Variants in CORO2B observed in about 807,000 individuals in gnomAD.
CORO2B encodes coronin-2B.
A neutral mutation model predicts 58.8 loss-of-function variants in CORO2B; 26 were observed. That is an observed-to-expected ratio of 0.44 (90% CI 0.32 to 0.61). The LOEUF is 0.61. Ranked by LOEUF, CORO2B falls within the 20% of genes least tolerant of loss-of-function variation. The pLI is 0.04. For synonymous variants in CORO2B, 242 were observed against 253.8 expected, an observed-to-expected ratio of 0.95 and a Z score of 0.44; for missense variants, 460 against 645.1, an observed-to-expected ratio of 0.71 and a Z score of 3.11.
the CORO2B span, among the ~76,000 whole-genome samples, chr15:68,535,620 C>A: frequency 1.3e-5 from 2 of 151,936 alleles, no homozygotes; most frequent in African/African-American, 4.8e-5. Flanking sequence ...TGTTGGGGTT[C>A]CTGAGAGAGA....
At chr15:68,587,325 G>T (rs149847257) in intron 1 of CORO2B, among the ~76,000 whole-genome samples, 1 of 152,298 alleles carries the variant, frequency 6.6e-6, no homozygotes, top group East Asian at 1.9e-4. Context: ...CCCTGTATGA[G>T]ATAAGTGTCA....
the CORO2B span, among the ~76,000 whole-genome samples, chr15:68,528,932 C>T: frequency 6.6e-6 from 1 of 152,120 alleles, no homozygotes; most frequent in Non-Finnish European, 1.5e-5. Context: ...CTTAATTAAA[C>T]GTTTATAAAT....
intron 2 of CORO2B, among the ~76,000 whole-genome samples, chr15:68,688,696 G>A (rs1342674541): frequency 6.6e-6 from 1 of 152,102 alleles, no homozygotes; most frequent in Non-Finnish European, 1.5e-5. Flanking sequence ...TTATATGGGT[G>A]TACTGTAATT....
chr15:68,699,729 G>A (rs746880549), intron 3 of CORO2B, among the ~76,000 whole-genome samples: 6 of 152,122 alleles, frequency 3.9e-5, no homozygotes, highest in African/African-American at 1.2e-4. Context: ...CCTGGAGGAC[G>A]TGCTCTGGGA....
intron 3 of CORO2B, among the ~76,000 whole-genome samples, chr15:68,703,074 G>A (rs186218838): frequency 0.026 from 3,928 of 149,338 alleles, 166 homozygotes; most frequent in African/African-American, 0.089. Context: ...TGATCCACCC[G>A]CCTCGCATCC....
chr15:68,568,018 CAAAAA>C, the CORO2B span, among the ~76,000 whole-genome samples: 4 of 151,482 alleles, frequency 2.6e-5, no homozygotes, highest in African/African-American at 4.9e-5. Context: ...GAGTCCATCT[CAAAAA>C]GAAAAGAAAA....
At chr15:68,677,991 T>C (rs1480430395) in intron 2 of CORO2B, among the ~76,000 whole-genome samples, 1 of 152,230 alleles carries the variant, frequency 6.6e-6, no homozygotes, top group Non-Finnish European at 1.5e-5. Context: ...CTCGGAGGCC[T>C]GGTGGGGCCC....
At chr15:68,538,386 A>G in the CORO2B span, among the ~76,000 whole-genome samples, 1 of 152,168 alleles carries the variant, frequency 6.6e-6, no homozygotes, top group South Asian at 2.1e-4. Flanking sequence ...GCAGTACAGG[A>G]GAGTTGGGGC....
rs4550403 is a variant in CORO2B, at chr15:68,726,446, C to T, written c.*472C>T. The T allele has an allele frequency of 0.31, 52,195 of 169,134 alleles. 9,650 individuals carry two copies. The highest frequency in any genetic ancestry group is 0.4 in the Non-Finnish European group (31,537 of 78,928). 10.5% of individuals were successfully genotyped at this position (169,134 alleles called of 1,614,324 possible). On this transcript the variant is annotated 3_prime_UTR_variant, in exon 12 of 12. Coordinates refer to ENST00000261861, the MANE Select transcript of CORO2B (RefSeq NM_006091.5). ...TGGACTGCAGGCTGCAGTGATCCCT[C>T]TTTCGTCCCACCCCCTCTTCCCTCA...
In CORO2B at chr15:68,645,508, G is replaced by A; in HGVS notation, c.216+148G>A. ...CATCTAGTGGCTATGCCTTCTTTAGGGTTTTCCTGAGATTCAACAGAACAA... is the reference window on the plus strand; with the variant it reads ...CATCTAGTGGCTATGCCTTCTTTAGAGTTTTCCTGAGATTCAACAGAACAA... On this transcript the variant is annotated intron_variant, in intron 2 of 11. Transcript: ENST00000261861. The surrounding 1 kb of genome is among the most constrained non-coding windows in gnomAD (Gnocchi z 4.5). 1 of 748,038 alleles carries A rather than the reference G, an allele frequency of 1.3e-6. No individual in the cohort carries two copies. The highest frequency in any genetic ancestry group is 2.1e-6 in the Non-Finnish European group (1 of 472,238). The allele number at this position is 748,038 out of a possible 1,614,324, so 46.3% of individuals were successfully genotyped here.
At chr15:68,721,379 A>G (rs188501477) in intron 11 of CORO2B, among the ~76,000 whole-genome samples, 62 of 152,268 alleles carry the variant, frequency 4.1e-4, no homozygotes, top group African/African-American at 1.5e-3. Context: ...AAAGTGGTGC[A>G]GTGTAGGTGG....
chr15:68,699,162 G>T (rs1007631393), intron 3 of CORO2B, among the ~76,000 whole-genome samples: 2 of 152,128 alleles, frequency 1.3e-5, no homozygotes, highest in African/African-American at 4.8e-5. Flanking sequence ...GGAGCCCTGG[G>T]GTGGTGGTCA....
intron 2 of CORO2B, among the ~76,000 whole-genome samples, chr15:68,686,020 G>GTTTT (rs56168498): frequency 1.9e-5 from 2 of 103,330 alleles, no homozygotes; most frequent in African/African-American, 6.8e-5. Context: ...TCCTACTTCT[G>GTTTT]TTTTTTTTTT....
chr15:68,604,742 C>T (rs1424421463), intron 1 of CORO2B, among the ~76,000 whole-genome samples: 1 of 152,132 alleles, frequency 6.6e-6, no homozygotes, highest in African/African-American at 2.4e-5. Context: ...CGTTTGTTTA[C>T]ATGGTTATAC....
intron 3 of CORO2B, among the ~76,000 whole-genome samples, chr15:68,700,296 A>G (rs548195603): frequency 1.8e-3 from 273 of 152,270 alleles, no homozygotes; most frequent in Middle Eastern, 6.8e-3. Flanking sequence ...CCCAGAGGGA[A>G]GCTCTTCACA....
the CORO2B span, among the ~76,000 whole-genome samples, chr15:68,560,590 C>T: frequency 1.3e-5 from 2 of 152,152 alleles, no homozygotes; most frequent in Admixed American, 6.5e-5. Flanking sequence ...TGAGCCACCG[C>T]GCCCAGCCTG....
intron 1 of CORO2B, among the ~76,000 whole-genome samples, chr15:68,587,144 C>G (rs1899587383): frequency 6.6e-6 from 1 of 151,754 alleles, no homozygotes; most frequent in Non-Finnish European, 1.5e-5. Flanking sequence ...CCCAGCTACT[C>G]AGGAGGCTGA....
At position 68,648,411 on chromosome 15, in the gene CORO2B, C is replaced by T. The variant is rs1175257110; in HGVS notation, c.216+3051C>T. Reference sequence around the variant, plus strand: ...CCTGTAATCCCAGCACTTTGGGAGGCAGAGGCGGGTGGATCACAAGGTCAG... The same window carrying T: ...CCTGTAATCCCAGCACTTTGGGAGGTAGAGGCGGGTGGATCACAAGGTCAG... On this transcript the variant is annotated intron_variant, in intron 2 of 11. Coordinates refer to ENST00000261861, the MANE Select transcript of CORO2B (RefSeq NM_006091.5). Among the ~76,000 whole-genome samples the T allele has an allele frequency of 2.6e-5, 4 of 151,662 alleles. No homozygotes were observed. In the South Asian group the frequency reaches 6.2e-4, roughly 24 times the overall value.
chr15:68,593,051 G>A (rs569219767), intron 1 of CORO2B, among the ~76,000 whole-genome samples: 11 of 152,292 alleles, frequency 7.2e-5, no homozygotes, highest in South Asian at 2.1e-4. Flanking sequence ...GAGGCATCAC[G>A]TCATAGTGAG....
Sources: gnomAD v4.1 joint callset for allele counts (sites outside exome capture counted in the v4.1 genomes callset) on GRCh38, gnomAD v4.1.1 for gene constraint, Gnocchi (gnomAD v3.1) non-coding constraint, MANE v1.5 for transcripts, NCBI Gene and HGNC (gene_info 2026-07-23, HGNC 2026-07-21) for gene names.